The following CRADD variants were observed in gnomAD, a reference collection of about 807,000 sequenced individuals.
The protein encoded by CRADD is CARD and death domain containing adaptor protein, also known as death domain-containing protein CRADD.
CRADD carries 9 observed loss-of-function variants against 15.5 expected under a neutral mutation model. The observed-to-expected ratio is 0.58, with a 90% confidence interval of 0.35 to 1.01. The LOEUF (loss-of-function observed/expected upper bound fraction) is 1.01, where lower values mean the gene tolerates loss of function less well. Among genes scored for constraint, CRADD ranks in the 50% least tolerant of loss-of-function variants. CRADD has a pLI of 0.02. For synonymous variants in CRADD, 118 were observed against 107.6 expected, an observed-to-expected ratio of 1.10 and a Z score of -0.60; for missense variants, 227 against 250.3, an observed-to-expected ratio of 0.91 and a Z score of 0.63.
chr12:93,745,770 C>T (rs1385262359), intron 2 of CRADD, among the ~76,000 whole-genome samples: 1 of 152,118 alleles, frequency 6.6e-6, no homozygotes, highest in Non-Finnish European at 1.5e-5. Flanking sequence ...TTAATTATGG[C>T]TCAGTATTTG....
chr12:93,806,921 A>G (rs1957546009), intron 2 of CRADD, among the ~76,000 whole-genome samples: 1 of 152,182 alleles, frequency 6.6e-6, no homozygotes, highest in African/African-American at 2.4e-5. Context: ...GATAATCCAC[A>G]TCACTTATAT....
chr12:93,864,028 G>A (rs889580386), intron 2 of CRADD, among the ~76,000 whole-genome samples: 12 of 152,092 alleles, frequency 7.9e-5, no homozygotes, highest in Non-Finnish European at 1.8e-4. Flanking sequence ...AAACACTGCA[G>A]CTATGGCCAC....
At chr12:93,678,680 G>C (rs1955212084) in intron 1 of CRADD, 89 bp from the exon 2 acceptor site, 3 of 1,391,900 alleles carry the variant, frequency 2.2e-6, no homozygotes, top group Non-Finnish European at 2.0e-6. Context: ...AGATGTGCTT[G>C]ACCTGAAGGA....
At chr12:93,722,750 T>G (rs1199762278) in intron 2 of CRADD, among the ~76,000 whole-genome samples, 1 of 152,228 alleles carries the variant, frequency 6.6e-6, no homozygotes, top group Non-Finnish European at 1.5e-5. Context: ...ATTAGAGCCC[T>G]TAACAAATTA....
intron 2 of CRADD, among the ~76,000 whole-genome samples, chr12:93,864,680 C>G (rs187414113): frequency 6.6e-6 from 1 of 152,268 alleles, no homozygotes; most frequent in East Asian, 1.9e-4. Flanking sequence ...AATGAAGTGT[C>G]TGGCACACGA....
downstream of CRADD, among the ~76,000 whole-genome samples, chr12:93,853,994 T>C (rs1958250138): frequency 6.6e-6 from 1 of 152,246 alleles, no homozygotes; most frequent in Admixed American, 6.5e-5. Context: ...ATTCATCATA[T>C]GTTACAATGA....
chr12:93,795,298 T>C (rs1488289503), intron 2 of CRADD, among the ~76,000 whole-genome samples: 1 of 152,212 alleles, frequency 6.6e-6, no homozygotes, highest in Non-Finnish European at 1.5e-5. Context: ...TATCCCACGC[T>C]TCTTCCCCAT....
chr12:93,839,110 G>C (rs1007936054), intron 2 of CRADD, among the ~76,000 whole-genome samples: 3 of 152,080 alleles, frequency 2.0e-5, no homozygotes, highest in African/African-American at 4.8e-5. Flanking sequence ...GTATAGACCT[G>C]ATTCTTTTCC....
intron 2 of CRADD, among the ~76,000 whole-genome samples, chr12:93,872,800 G>C (rs1958432309): frequency 6.6e-6 from 1 of 151,976 alleles, no homozygotes; most frequent in Non-Finnish European, 1.5e-5. Context: ...TACTGTTTTG[G>C]TTACTATAGC....
intron 2 of CRADD, among the ~76,000 whole-genome samples, chr12:93,767,811 T>A (rs1957041655): frequency 6.6e-6 from 1 of 152,262 alleles, no homozygotes. Flanking sequence ...AAGCTTCTTA[T>A]GACCTGAAAA....
At chr12:93,834,518 C>T (rs1046223635) in intron 2 of CRADD, among the ~76,000 whole-genome samples, 4 of 151,976 alleles carry the variant, frequency 2.6e-5, no homozygotes, top group South Asian at 2.1e-4. Flanking sequence ...GACGGAGTTT[C>T]GCTTTTGTTA....
chr12:93,705,341 C>CTACA (rs1343052226), intron 2 of CRADD, among the ~76,000 whole-genome samples: 1 of 152,212 alleles, frequency 6.6e-6, no homozygotes, highest in Non-Finnish European at 1.5e-5. Flanking sequence ...TTTCTGTGTA[C>CTACA]TACAGGTTGC....
At chr12:93,860,955 G>A (rs771100294) in intron 2 of CRADD, among the ~76,000 whole-genome samples, 8 of 152,122 alleles carry the variant, frequency 5.3e-5, no homozygotes, top group East Asian at 1.9e-4. Context: ...TCCTCCCCTC[G>A]GAGCGCCAGG....
At chr12:93,807,807 A>G (rs960217844) in intron 2 of CRADD, among the ~76,000 whole-genome samples, 1 of 151,916 alleles carries the variant, frequency 6.6e-6, no homozygotes, top group African/African-American at 2.4e-5. Flanking sequence ...TCCATCAGTC[A>G]GCAAGTATTT....
chr12:93,861,552 G>T (rs146478931), intron 2 of CRADD, among the ~76,000 whole-genome samples: 2 of 152,320 alleles, frequency 1.3e-5, no homozygotes, highest in African/African-American at 4.8e-5. Flanking sequence ...CTGGAGGCTT[G>T]TTAGTGAGGG....
chr12:93,787,149 T>C (rs2136979754), intron 2 of CRADD, among the ~76,000 whole-genome samples: 1 of 151,270 alleles, frequency 6.6e-6, no homozygotes, highest in African/African-American at 2.4e-5. Flanking sequence ...TTTTTTTTTT[T>C]TTTACCCTAG....
At chr12:93,884,174 C>T (rs1233147952) in intron 2 of CRADD, among the ~76,000 whole-genome samples, 1 of 152,164 alleles carries the variant, frequency 6.6e-6, no homozygotes, top group Non-Finnish European at 1.5e-5. Context: ...CAGAGACAGG[C>T]AGAGGACATA....
At chr12:93,679,779 T>C (rs1397107643) in intron 2 of CRADD, among the ~76,000 whole-genome samples, 2 of 151,946 alleles carry the variant, frequency 1.3e-5, no homozygotes, top group African/African-American at 4.8e-5. Context: ...TGACAACTGA[T>C]TTGTGAGGTG....
At chr12:93,678,621 C>A in intron 1 of CRADD, 148 bp from the exon 2 acceptor site, 1 of 732,278 alleles carries the variant, frequency 1.4e-6, no homozygotes, top group Non-Finnish European at 2.2e-6. Context: ...CCTGGCTTGG[C>A]TTAATCAGTG....
Sources: allele counts gnomAD v4.1 joint callset (sites outside exome capture counted in the v4.1 genomes callset), GRCh38; gene constraint gnomAD v4.1.1; transcripts MANE v1.5; gene names NCBI Gene and HGNC (gene_info 2026-07-23, HGNC 2026-07-21).